Variants in PBX1 observed in about 807,000 individuals in gnomAD.
The protein encoded by PBX1 is PBX homeobox 1, also known as pre-B-cell leukemia transcription factor 1.
PBX1 carries 6 observed loss-of-function variants against 53.4 expected under a neutral mutation model. That is an observed-to-expected ratio of 0.11 (90% CI 0.06 to 0.22). The LOEUF is 0.22. Ranked by LOEUF, PBX1 falls within the 10% of genes least tolerant of loss-of-function variation. The probability of loss-of-function intolerance (pLI) is 1.00; values close to 1 mark genes in which losing one functional copy is unlikely to be tolerated. For synonymous variants in PBX1, 204 were observed against 212.3 expected (o/e 0.96, Z 0.34); for missense variants, 251 against 551.4 (o/e 0.46, Z 5.46).
At chr1:164,874,682 C>T (rs12081698) in intron 2 of PBX1, among the ~76,000 whole-genome samples, 4 of 152,024 alleles carry the variant, frequency 2.6e-5, no homozygotes, top group Non-Finnish European at 5.9e-5. Flanking sequence ...TTGGTAGAGA[C>T]GAGTTTTCTC....
intron 2 of PBX1, chr1:164,680,233 T>C (rs1661682714): frequency 1.3e-5 from 2 of 152,354 alleles, no homozygotes; most frequent in South Asian, 4.1e-4. Context: ...AAAAATTATA[T>C]TCTAGAGGTT....
chr1:164,790,792 C>A (rs1668462689), intron 2 of PBX1, among the ~76,000 whole-genome samples: 1 of 152,230 alleles, frequency 6.6e-6, no homozygotes, highest in African/African-American at 2.4e-5. Context: ...GTGGGCACAG[C>A]CAGCAGTTAT....
chr1:164,689,988 CTTCTACTGCTGTACCCA>C (rs1259774577), intron 2 of PBX1, among the ~76,000 whole-genome samples: 3 of 152,174 alleles, frequency 2.0e-5, no homozygotes, highest in African/African-American at 7.2e-5. Context: ...GCCTTGATTA[CTTCTACTGCTGTACCCA>C]TTATGTGAAT....
At chr1:164,788,699 T>C (rs1305018106) in intron 2 of PBX1, among the ~76,000 whole-genome samples, 1 of 152,130 alleles carries the variant, frequency 6.6e-6, no homozygotes, top group African/African-American at 2.4e-5. Flanking sequence ...TTGAGTATAA[T>C]TTAAAGGGTG....
intron 2 of PBX1, among the ~76,000 whole-genome samples, chr1:164,723,477 C>T (rs990902737): frequency 8.5e-5 from 13 of 152,182 alleles, no homozygotes; most frequent in African/African-American, 2.6e-4. Flanking sequence ...GCAGGGGTGG[C>T]GGGCATATGA....
chr1:164,757,932 C>CA (rs1194765972), intron 2 of PBX1, among the ~76,000 whole-genome samples: 1 of 152,148 alleles, frequency 6.6e-6, no homozygotes, highest in Non-Finnish European at 1.5e-5. Context: ...ATAGTGTTTT[C>CA]ACTAAAACAC....
intron 2 of PBX1, among the ~76,000 whole-genome samples, chr1:164,772,347 T>C (rs1261390866): frequency 1.3e-5 from 2 of 152,190 alleles, no homozygotes; most frequent in African/African-American, 4.8e-5. Flanking sequence ...CAACACCGTT[T>C]ACCAACTCTG....
chr1:164,601,074 A>G (rs1299490259), intron 2 of PBX1, among the ~76,000 whole-genome samples: 1 of 151,860 alleles, frequency 6.6e-6, no homozygotes, highest in Non-Finnish European at 1.5e-5. Flanking sequence ...CCCCGTCTCT[A>G]CTAAAAATAC....
intron 2 of PBX1, among the ~76,000 whole-genome samples, chr1:164,659,229 C>A (rs776918657): frequency 1.3e-5 from 2 of 152,184 alleles, no homozygotes; most frequent in Non-Finnish European, 2.9e-5. Flanking sequence ...CCCAGATTTG[C>A]AGATATACAT....
intron 2 of PBX1, among the ~76,000 whole-genome samples, chr1:164,754,939 T>C (rs561635565): frequency 1.3e-5 from 2 of 152,324 alleles, no homozygotes; most frequent in East Asian, 3.9e-4. Flanking sequence ...CTGTATAATA[T>C]TGAATGTGGT....
chr1:164,757,714 AT>A, intron 2 of PBX1, among the ~76,000 whole-genome samples: 1 of 152,000 alleles, frequency 6.6e-6, no homozygotes, highest in East Asian at 1.9e-4. Flanking sequence ...TATTATTATT[AT>A]TTTTTAATCT....
intron 6 of PBX1, chr1:164,816,266 T>C (rs1327977772): frequency 2.0e-5 from 3 of 152,170 alleles, no homozygotes; most frequent in African/African-American, 7.2e-5. Context: ...CAATGAATTT[T>C]GGAATTCACA....
At chr1:164,692,398 T>C (rs1686189) in intron 2 of PBX1, among the ~76,000 whole-genome samples, 144,210 of 152,206 alleles carry the variant, frequency 0.95, 68,604 homozygotes, top group Non-Finnish European at 0.99. Flanking sequence ...TGAATGGATG[T>C]GGGGATGAAT....
chr1:164,570,396 C>T (rs1402677201), intron 2 of PBX1, among the ~76,000 whole-genome samples: 2 of 151,994 alleles, frequency 1.3e-5, no homozygotes, highest in African/African-American at 2.4e-5. Context: ...GTGTGATGTT[C>T]CCCTCCCTGT....
intron 2 of PBX1, among the ~76,000 whole-genome samples, chr1:164,643,230 G>A (rs775273497): frequency 2.0e-5 from 3 of 152,144 alleles, no homozygotes; most frequent in Non-Finnish European, 2.9e-5. Flanking sequence ...TAAATGGGGC[G>A]TTGCAGACGC....
At chr1:164,707,418 T>TGTGTGTGTGAGAGAGAGAGAGA (rs58617739) in intron 2 of PBX1, among the ~76,000 whole-genome samples, 5 of 118,208 alleles carry the variant, frequency 4.2e-5, no homozygotes, top group African/African-American at 1.9e-4. Context: ...TGTGTGTGTG[T>TGTGTGTGTGAGAGAGAGAGAGA]GAGAGAGAGA....
At chr1:164,617,611 T>G (rs1304678431) in intron 2 of PBX1, among the ~76,000 whole-genome samples, 1 of 152,212 alleles carries the variant, frequency 6.6e-6, no homozygotes. Flanking sequence ...TGTAAATCTC[T>G]CAGAGGGGTG....
At chr1:164,618,453 ACAGCT>A (rs1188098061) in intron 2 of PBX1, among the ~76,000 whole-genome samples, 1 of 152,156 alleles carries the variant, frequency 6.6e-6, no homozygotes, top group Non-Finnish European at 1.5e-5. Context: ...TTAATTTTGC[ACAGCT>A]CCAGTGGAAA....
intron 2 of PBX1, among the ~76,000 whole-genome samples, chr1:164,659,526 T>C (rs1660361455): frequency 6.6e-6 from 1 of 152,148 alleles, no homozygotes; most frequent in African/African-American, 2.4e-5. Context: ...TGGAGTTCTT[T>C]GAGTGAGCAA....
Sources: gnomAD v4.1 joint callset for allele counts (sites outside exome capture counted in the v4.1 genomes callset) on GRCh38, gnomAD v4.1.1 for gene constraint, MANE v1.5 for transcripts, NCBI Gene and HGNC (gene_info 2026-07-23, HGNC 2026-07-21) for gene names.